The following SLC25A40 variants were observed in gnomAD, a reference collection of about 807,000 sequenced individuals.
SLC25A40 encodes mitochondrial glutathione transporter SLC25A40.
Under a neutral mutation model 46.5 loss-of-function variants are expected in SLC25A40, and 41 were observed. That is an observed-to-expected ratio of 0.88 (90% confidence interval 0.69 to 1.14). SLC25A40 has a LOEUF of 1.14. SLC25A40 is among the 50% of genes most tolerant of loss of function. SLC25A40 has a pLI of 0.00. For missense variants in SLC25A40, 386 were observed against 393.6 expected (o/e 0.98, Z 0.16); for synonymous variants, 126 against 127.5 (o/e 0.99, Z 0.08).
At chr7:87,846,436 C>A (rs1167836191) in intron 8 of SLC25A40, among the ~76,000 whole-genome samples, 1 of 152,274 alleles carries the variant, frequency 6.6e-6, no homozygotes, top group Admixed American at 6.5e-5. Context: ...TTACACTTCT[C>A]ACTTTTCATA....
In SLC25A40 at chr7:87,858,665, G is replaced by C. The variant is rs759249636; in HGVS notation, c.63C>G (p.Ala21=). 1.9e-6 allele frequency: 3 copies of C among 1,611,574 alleles called. No homozygotes were observed. In the South Asian group the frequency reaches 3.3e-5, roughly 18 times the overall value. ...ATGTCAGTATAGCTCCAGTACATGA[G>C]GCAAGCATTTGTTGAAGAGGTGTCA... ...IKVTPLQQML[A]SCTGAILTSV... Residue 21 remains alanine, a synonymous_variant, in exon 3 of 12, where the codon GCC becomes GCG. Transcript: ENST00000341119.
intron 10 of SLC25A40, among the ~76,000 whole-genome samples, chr7:87,839,437 T>C (rs1431639393): frequency 6.7e-6 from 1 of 150,026 alleles, no homozygotes; most frequent in African/African-American, 2.5e-5. Context: ...TTTTTTTTTT[T>C]CTATAGTTCA....
At chr7:87,867,459 GTTTAA>G (rs1838821927) in intron 1 of SLC25A40, among the ~76,000 whole-genome samples, 1 of 151,942 alleles carries the variant, frequency 6.6e-6, no homozygotes, top group South Asian at 2.1e-4. Context: ...ATTTCAATCT[GTTTAA>G]TTTCTTTGAT....
intron 2 of SLC25A40, among the ~76,000 whole-genome samples, chr7:87,859,728 A>T (rs1486799358): frequency 6.6e-6 from 1 of 152,190 alleles, no homozygotes; most frequent in Non-Finnish European, 1.5e-5. Flanking sequence ...CTTGCACGGT[A>T]GTTAATTATA....
chr7:87,839,597 C>T (rs939947677), intron 10 of SLC25A40, among the ~76,000 whole-genome samples: 18 of 151,620 alleles, frequency 1.2e-4, no homozygotes, highest in Admixed American at 3.3e-4. Context: ...ATGACACACT[C>T]ATAAATTAGG....
chr7:87,875,155 C>A (rs1838969850), intron 1 of SLC25A40, among the ~76,000 whole-genome samples: 1 of 152,198 alleles, frequency 6.6e-6, no homozygotes, highest in Non-Finnish European at 1.5e-5. Flanking sequence ...GACCTTGATG[C>A]AGAAATATTT....
intron 5 of SLC25A40, among the ~76,000 whole-genome samples, chr7:87,850,918 A>G (rs1838497396): frequency 6.6e-6 from 1 of 152,252 alleles, no homozygotes; most frequent in South Asian, 2.1e-4. Context: ...AATTCTGGTG[A>G]AAATGTGAAG....
chr7:87,853,049 G>A (rs1362764612), intron 5 of SLC25A40, among the ~76,000 whole-genome samples: 2 of 152,026 alleles, frequency 1.3e-5, no homozygotes, highest in African/African-American at 4.8e-5. Flanking sequence ...AGGATGAAAA[G>A]ACAAACTAGA....
chr7:87,854,014 A>G (rs1240462616), intron 5 of SLC25A40, among the ~76,000 whole-genome samples, 190 bp downstream of exon 5: 1 of 152,190 alleles, frequency 6.6e-6, no homozygotes, highest in Non-Finnish European at 1.5e-5. Flanking sequence ...TTAGTTTTTT[A>G]AAAAGTTACC....
chr7:87,875,510 A>T (rs893417190), intron 1 of SLC25A40, among the ~76,000 whole-genome samples: 5 of 152,160 alleles, frequency 3.3e-5, no homozygotes, highest in Non-Finnish European at 7.4e-5. Flanking sequence ...AGGAATGCAA[A>T]ATAGTTCAAA....
At chr7:87,863,298 A>T (rs118124038) in intron 1 of SLC25A40, among the ~76,000 whole-genome samples, 4,249 of 152,200 alleles carry the variant, frequency 0.028, 59 homozygotes, top group Middle Eastern at 0.048. Context: ...GTGAGAGGTA[A>T]TTTAATCATG....
At chr7:87,855,498 C>A (rs936673664) in intron 4 of SLC25A40, among the ~76,000 whole-genome samples, 18 of 152,158 alleles carry the variant, frequency 1.2e-4, no homozygotes, top group Non-Finnish European at 1.5e-5. Context: ...TAACTGTTGC[C>A]AAAATTGTCT....
rs10952900 is a variant in SLC25A40 at position 87,865,224 on chromosome 7, A to C, written c.-93-4584T>G. Reference sequence around the variant, plus strand: ...CATGAATTTTAAAAATCATCTTGTAAATACAACAAATTATTTTTAAAAGAT... The same window carrying C: ...CATGAATTTTAAAAATCATCTTGTACATACAACAAATTATTTTTAAAAGAT... On this transcript the variant is annotated intron_variant, in intron 1 of 11. Coordinates refer to ENST00000341119, the MANE Select transcript of SLC25A40 (RefSeq NM_018843.4). Among the ~76,000 whole-genome samples, 82 of 152,018 alleles carry C rather than the reference A, an allele frequency of 5.4e-4. 1 individual carries two copies. The East Asian group carries it at 0.015, about 28-fold the overall frequency.
intron 4 of SLC25A40, among the ~76,000 whole-genome samples, chr7:87,854,654 T>C (rs1326325331): frequency 6.6e-6 from 1 of 150,938 alleles, no homozygotes; most frequent in Non-Finnish European, 1.5e-5. Context: ...CTACTAAAAA[T>C]ACAAAAAATT....
intron 3 of SLC25A40, 146 bp downstream of exon 3, chr7:87,858,485 T>C: frequency 1.8e-6 from 1 of 561,660 alleles, no homozygotes; most frequent in Non-Finnish European, 3.2e-6. Context: ...AGCTGTAAAA[T>C]TCCTCTCTTT....
intron 1 of SLC25A40, among the ~76,000 whole-genome samples, chr7:87,871,371 G>A (rs1838893660): frequency 6.6e-6 from 1 of 152,182 alleles, no homozygotes; most frequent in Admixed American, 6.5e-5. Context: ...CCCCTAGTGA[G>A]CTTTAAATTA....
Position 87,846,907 on chromosome 7 carries a change from A to T in SLC25A40, c.631+42T>A, listed in dbSNP as rs370280482. On this transcript the variant is annotated intron_variant, in intron 8 of 11. Coordinates refer to ENST00000341119, the MANE Select transcript of SLC25A40 (RefSeq NM_018843.4). ...TGACAGTAATATTTGAATGAGACAA[A>T]GCCATGTAAAATTTAGTAGCTACAA... 16 of 1,513,582 alleles carry T rather than the reference A, an allele frequency of 1.1e-5. No individual in the cohort carries two copies. The African/African-American group carries it at 2.2e-4, about 21-fold the overall frequency. The allele number at this position is 1,513,582 out of a possible 1,614,324, so 93.8% of individuals were successfully genotyped here. A position where few individuals can be genotyped will look rare whatever the true frequency, so the allele number is the denominator to read the frequency against.
intron 10 of SLC25A40, among the ~76,000 whole-genome samples, chr7:87,838,125 A>G (rs543493599): frequency 1.1e-4 from 17 of 151,686 alleles, no homozygotes; most frequent in East Asian, 7.7e-4. Flanking sequence ...TAGCAATAGC[A>G]TAAGCATAAA....
intron 1 of SLC25A40, among the ~76,000 whole-genome samples, chr7:87,869,227 T>C (rs968889802): frequency 1.3e-5 from 2 of 152,134 alleles, no homozygotes; most frequent in Non-Finnish European, 2.9e-5. Context: ...ATTTTGGAAT[T>C]GAAAACTCGC....
Sources: gnomAD v4.1 joint callset for allele counts (sites outside exome capture counted in the v4.1 genomes callset) on GRCh38, gnomAD v4.1.1 for gene constraint, MANE v1.5 for transcripts, NCBI Gene and HGNC (gene_info 2026-07-23, HGNC 2026-07-21) for gene names.